The following DCDC1 variants were observed in gnomAD, a reference collection of about 807,000 sequenced individuals.
DCDC1 encodes doublecortin domain-containing protein 1.
DCDC1 carries 200 observed loss-of-function variants against 178.3 expected under a neutral mutation model. That is an observed-to-expected ratio of 1.12 (90% CI 1.00 to 1.26). The LOEUF is 1.26. Among genes scored for constraint, DCDC1 ranks in the 50% most tolerant of loss-of-function variants. DCDC1 has a pLI of 0.00. For synonymous variants in DCDC1, 690 were observed against 604.8 expected (o/e 1.14, Z -2.07); for missense variants, 1,983 against 1,749.2 (o/e 1.13, Z -2.38).
chr11:31,284,450 C>A (rs927426718), intron 7 of DCDC1, among the ~76,000 whole-genome samples: 5 of 151,916 alleles, frequency 3.3e-5, no homozygotes, highest in Admixed American at 1.3e-4. Context: ...CGATAAAGTT[C>A]ATCAAAGATT....
chr11:31,344,499 G>T (rs1182725973), intron 1 of DCDC1, among the ~76,000 whole-genome samples: 1 of 152,184 alleles, frequency 6.6e-6, no homozygotes, highest in East Asian at 1.9e-4. Context: ...CCACTTACAA[G>T]CTGTGTCACT....
At chr11:31,102,584 A>T (rs1246185819) in intron 14 of DCDC1, among the ~76,000 whole-genome samples, 1 of 152,100 alleles carries the variant, frequency 6.6e-6, no homozygotes, top group Non-Finnish European at 1.5e-5. Context: ...CAGCATTTTC[A>T]ACTGTTTATT....
chr11:30,972,985 G>A (rs889219763), intron 20 of DCDC1, among the ~76,000 whole-genome samples: 3 of 151,862 alleles, frequency 2.0e-5, no homozygotes, highest in Admixed American at 2.0e-4. Flanking sequence ...AAAGTATGTA[G>A]CACCGGCCAG....
intron 20 of DCDC1, among the ~76,000 whole-genome samples, chr11:30,991,119 A>G (rs1950952614): frequency 6.6e-6 from 1 of 152,184 alleles, no homozygotes; most frequent in African/African-American, 2.4e-5. Context: ...ATCCCTGGTA[A>G]CCATGAGGAG....
intron 7 of DCDC1, among the ~76,000 whole-genome samples, chr11:31,284,840 T>C (rs1946701452): frequency 2.0e-5 from 3 of 151,956 alleles, no homozygotes; most frequent in South Asian, 4.2e-4. Flanking sequence ...GGTTTCACCA[T>C]GTTGGCCAGG....
chr11:31,180,397 T>G (rs938050393), intron 9 of DCDC1, among the ~76,000 whole-genome samples: 2 of 152,118 alleles, frequency 1.3e-5, no homozygotes, highest in Non-Finnish European at 2.9e-5. Context: ...AAACATTAAA[T>G]TGGGGGGCTG....
At chr11:31,202,072 A>T (rs1428879299) in intron 9 of DCDC1, among the ~76,000 whole-genome samples, 1 of 152,172 alleles carries the variant, frequency 6.6e-6, no homozygotes, top group Non-Finnish European at 1.5e-5. Flanking sequence ...CTTCCTCCAT[A>T]GTGCACTGCA....
intron 9 of DCDC1, among the ~76,000 whole-genome samples, chr11:31,196,074 A>G (rs766649604): frequency 9.9e-5 from 15 of 151,946 alleles, no homozygotes; most frequent in Non-Finnish European, 1.8e-4. Flanking sequence ...AGACTCCCTC[A>G]AGAGCCTAAA....
chr11:30,918,867 G>A (rs1057073394), intron 25 of DCDC1, among the ~76,000 whole-genome samples: 10 of 152,102 alleles, frequency 6.6e-5, no homozygotes, highest in Non-Finnish European at 1.0e-4. Flanking sequence ...CACAGAGTAG[G>A]CAAGTGCTAC....
intron 7 of DCDC1, among the ~76,000 whole-genome samples, chr11:31,279,600 G>C (rs10835759): frequency 6.6e-6 from 1 of 151,878 alleles, no homozygotes; most frequent in Non-Finnish European, 1.5e-5. Flanking sequence ...GCAGGGACAT[G>C]GATGAAACCA....
intron 9 of DCDC1, among the ~76,000 whole-genome samples, chr11:31,230,354 CA>C (rs1975614094): frequency 6.9e-6 from 1 of 144,568 alleles, no homozygotes; most frequent in African/African-American, 2.6e-5. Flanking sequence ...TATTAAGGGC[CA>C]AAAAGAAAAA....
intron 25 of DCDC1, among the ~76,000 whole-genome samples, chr11:30,917,490 T>C (rs1945926658): frequency 6.6e-6 from 1 of 152,198 alleles, no homozygotes; most frequent in Admixed American, 6.5e-5. Context: ...CCAAGATTTC[T>C]CCACAGAGAA....
chr11:31,148,717 T>G (rs1964773780), intron 9 of DCDC1, among the ~76,000 whole-genome samples: 2 of 150,552 alleles, frequency 1.3e-5, no homozygotes, highest in South Asian at 4.2e-4. Flanking sequence ...AAAAAAAAAG[T>G]TCACGGTCTC....
chr11:31,305,882 T>G, intron 5 of DCDC1, 105 bp from the exon 6 acceptor site: 1 of 1,313,514 alleles, frequency 7.6e-7, no homozygotes, highest in Non-Finnish European at 1.0e-6. Flanking sequence ...CCCAATTGAG[T>G]CACTTGCCAA....
chr11:30,992,602 G>A (rs576223319), intron 20 of DCDC1: 33 of 152,274 alleles, frequency 2.2e-4, no homozygotes, highest in African/African-American at 7.7e-4. Context: ...ATGGTGATTT[G>A]CTGAGTCATA....
intron 20 of DCDC1, among the ~76,000 whole-genome samples, chr11:31,002,138 T>C (rs564104258): frequency 4.6e-5 from 7 of 152,180 alleles, no homozygotes; most frequent in Non-Finnish European, 8.8e-5. Flanking sequence ...AAGCCACCTA[T>C]GACTTACACA....
intron 9 of DCDC1, among the ~76,000 whole-genome samples, chr11:31,193,363 C>T (rs1287102033): frequency 6.6e-6 from 1 of 151,948 alleles, no homozygotes; most frequent in African/African-American, 2.4e-5. Context: ...ATCTAAAATG[C>T]TCCTAAGTTT....
chr11:31,322,855 T>A (rs1367283119), intron 3 of DCDC1, among the ~76,000 whole-genome samples: 3 of 152,230 alleles, frequency 2.0e-5, no homozygotes, highest in Non-Finnish European at 2.9e-5. Context: ...TTGAATTTTG[T>A]TACTTTCCAC....
chr11:30,938,593 C>T (rs1442574802), intron 21 of DCDC1, among the ~76,000 whole-genome samples: 1 of 152,086 alleles, frequency 6.6e-6, no homozygotes, highest in Non-Finnish European at 1.5e-5. Context: ...CTTGATCCAG[C>T]AGAGAGCATA....
Sources: allele counts gnomAD v4.1 joint callset (sites outside exome capture counted in the v4.1 genomes callset), GRCh38; gene constraint gnomAD v4.1.1; transcripts MANE v1.5; gene names NCBI Gene and HGNC (gene_info 2026-07-23, HGNC 2026-07-21).